Variants in TTLL11 observed in about 807,000 individuals in gnomAD.
TTLL11 encodes the protein tubulin tyrosine ligase like 11.
TTLL11 carries 42 observed loss-of-function variants against 51.7 expected under a neutral mutation model. That is an observed-to-expected ratio of 0.81 (90% CI 0.64 to 1.05). TTLL11 has a LOEUF of 1.05. Ranked by LOEUF, TTLL11 falls within the 50% of genes least tolerant of loss-of-function variation. The probability of loss-of-function intolerance (pLI) is 0.00; values close to 1 mark genes in which losing one functional copy is unlikely to be tolerated. For missense variants in TTLL11, 799 were observed against 940.4 expected, an observed-to-expected ratio of 0.85 and a Z score of 1.97; for synonymous variants, 381 against 383.5, an observed-to-expected ratio of 0.99 and a Z score of 0.08.
At chr9:121,891,641 GTATC>G (rs1476109492) in intron 6 of TTLL11, among the ~76,000 whole-genome samples, 2 of 152,154 alleles carry the variant, frequency 1.3e-5, no homozygotes, top group African/African-American at 4.8e-5. Flanking sequence ...AGAACTGACT[GTATC>G]TATAATCATC....
At chr9:122,084,537 G>A (rs1030082571) in intron 1 of TTLL11, among the ~76,000 whole-genome samples, 1 of 152,182 alleles carries the variant, frequency 6.6e-6, no homozygotes, top group South Asian at 2.1e-4. Context: ...CTCGGCTTCA[G>A]AGGAACAACC....
intron 8 of TTLL11, among the ~76,000 whole-genome samples, chr9:121,841,117 G>A (rs1837332465): frequency 6.6e-6 from 1 of 152,164 alleles, no homozygotes; most frequent in Admixed American, 6.5e-5. Context: ...GCCTTGTGCA[G>A]GCAATCAAGG....
intron 8 of TTLL11, among the ~76,000 whole-genome samples, chr9:121,859,735 A>G (rs1837945722): frequency 6.6e-6 from 1 of 152,090 alleles, no homozygotes; most frequent in African/African-American, 2.4e-5. Context: ...GCTACTTGGT[A>G]TGGTCTAAGC....
At chr9:121,928,592 G>A (rs568000141) in intron 6 of TTLL11, among the ~76,000 whole-genome samples, 2 of 151,690 alleles carry the variant, frequency 1.3e-5, no homozygotes, top group Admixed American at 6.6e-5. Context: ...AGGTGCGCAC[G>A]ACCACACCCA....
chr9:121,957,237 G>A lies in TTLL11; in HGVS notation c.1481+16772C>T, dbSNP rs535474779. On this transcript the variant is annotated intron_variant, in intron 6 of 8. Transcript: ENST00000321582. ...AGGGGGCGCCTTCTACCACTGCCCA[G>A]GGACTCTTCCAGAAACAGCCTGCCC... 1.9e-3 allele frequency among the ~76,000 whole-genome samples: 285 copies of A among 152,264 alleles called. 2 individuals carry two copies. The highest frequency in any genetic ancestry group is 6.7e-3 in the African/African-American group (277 of 41,558).
intron 8 of TTLL11, among the ~76,000 whole-genome samples, chr9:121,849,024 C>T (rs544665181): frequency 6.6e-6 from 1 of 152,314 alleles, no homozygotes; most frequent in East Asian, 1.9e-4. Context: ...GTAATCAAAA[C>T]AGTATGGTAT....
At chr9:122,052,481 A>G (rs1233697963) in intron 1 of TTLL11, among the ~76,000 whole-genome samples, 1 of 152,212 alleles carries the variant, frequency 6.6e-6, no homozygotes, top group Non-Finnish European at 1.5e-5. Flanking sequence ...ACAAGGATTA[A>G]TAGTATGTTT....
rs1324997625 is a variant in TTLL11, at chr9:121,892,567, G to A, written c.1482-21819C>T. On this transcript the variant is annotated intron_variant, in intron 6 of 8. Transcript: ENST00000321582. The stretch of plus-strand genomic sequence containing the variant: ...TCCCACCGGGTCTCTCCCACAACAC[G>A]TGGGAATTATGGGAGCTACAATTCA... 3.3e-5 allele frequency among the ~76,000 whole-genome samples: 5 copies of A among 152,094 alleles called. No homozygotes were observed. In the East Asian group the frequency reaches 5.8e-4, roughly 18 times the overall value.
At chr9:122,087,849 T>C (rs975689927) in intron 1 of TTLL11, among the ~76,000 whole-genome samples, 2 of 152,200 alleles carry the variant, frequency 1.3e-5, no homozygotes, top group African/African-American at 4.8e-5. Context: ...ATGCCTTTCT[T>C]TCATGTTGCA....
At chr9:122,043,183 TGGGG>T (rs1394400216) in intron 1 of TTLL11, among the ~76,000 whole-genome samples, 1 of 151,962 alleles carries the variant, frequency 6.6e-6, no homozygotes, top group Non-Finnish European at 1.5e-5. Context: ...TCAATGCAGG[TGGGG>T]GAAAATCTCT....
chr9:122,032,357 C>T (rs75581384), intron 2 of TTLL11, among the ~76,000 whole-genome samples: 1,643 of 152,176 alleles, frequency 0.011, 36 homozygotes, highest in African/African-American at 0.038. Flanking sequence ...AATAGGAAAA[C>T]ACACATCTTT....
intron 6 of TTLL11, among the ~76,000 whole-genome samples, chr9:121,950,960 G>C (rs972737803): frequency 1.3e-5 from 2 of 152,170 alleles, no homozygotes; most frequent in Non-Finnish European, 2.9e-5. Flanking sequence ...TGATGATGAT[G>C]ACGAGGGGAC....
chr9:121,989,402 G>T lies in TTLL11; in HGVS notation c.1062C>A (p.Phe354Leu), dbSNP rs149219458. ...NYSLNIHSGN[F>L]IHSDSASTGS... is the part of the protein sequence containing the mutation. ...CAGTGCTAGCACTGTCCGAGTGGAT[G>T]AAGTTGCCGCTGTGGATGTTCAGTG... Residue 354 changes from phenylalanine to leucine, a missense_variant, in exon 4 of 9, where the codon TTC becomes TTA. Physicochemically the swap from Phe to Leu is conservative, Grantham distance 22 (BLOSUM62 0). Around this residue, in one of 3 missense-constraint regions of TTLL11, gnomAD observed 468 missense variants for 612.8 expected, o/e 0.76. Transcript: ENST00000321582. This position sits in a 1 kb window ranked among gnomAD's most constrained non-coding sequence, Gnocchi z 4.2. 1.2e-6 allele frequency: 2 copies of T among 1,614,218 alleles called. No individual in the cohort carries two copies. Among genetic ancestry groups the T allele is most frequent in the Non-Finnish European group, 1.7e-6 (2 of 1,180,050 alleles).
At position 121,852,880 on chromosome 9, in the gene TTLL11, G is replaced by A. The variant is rs146711594; in HGVS notation, c.1840+7457C>T. On this transcript the variant is annotated intron_variant, in intron 8 of 8. Coordinates refer to ENST00000321582, the MANE Select transcript of TTLL11 (RefSeq NM_001139442.2). The stretch of plus-strand genomic sequence containing the variant: ...GATAATTTCAAGGCTGAAGAACATC[G>A]TTCGTGCCAGACACCTCGCACGAGG... 2.7e-3 allele frequency among the ~76,000 whole-genome samples: 416 copies of A among 152,328 alleles called. 4 individuals are homozygous for A. Among genetic ancestry groups the A allele is most frequent in the African/African-American group, 9.3e-3 (387 of 41,564 alleles).
chr9:122,003,997 C>T (rs1431313551), intron 3 of TTLL11, among the ~76,000 whole-genome samples: 2 of 151,478 alleles, frequency 1.3e-5, no homozygotes, highest in African/African-American at 2.4e-5. Flanking sequence ...TGGCACGCAC[C>T]TGTAGTCCCA....
intron 3 of TTLL11, among the ~76,000 whole-genome samples, chr9:121,991,366 G>A (rs959620170): frequency 1.3e-5 from 2 of 152,304 alleles, no homozygotes; most frequent in Non-Finnish European, 2.9e-5. Context: ...AGCAGGATCC[G>A]AGAATGGAAC....
At chr9:121,926,677 G>A (rs1326660100) in intron 6 of TTLL11, among the ~76,000 whole-genome samples, 1 of 152,174 alleles carries the variant, frequency 6.6e-6, no homozygotes, top group African/African-American at 2.4e-5. Context: ...CCTCTCTCCC[G>A]TGTCACTTTG....
At chr9:121,994,187 G>C (rs1843189325) in intron 3 of TTLL11, among the ~76,000 whole-genome samples, 1 of 151,980 alleles carries the variant, frequency 6.6e-6, no homozygotes, top group Admixed American at 6.5e-5. Context: ...CAGAGCAGTG[G>C]GGCAGAAAGG....
At chr9:122,006,646 G>A (rs1183856174) in intron 3 of TTLL11, among the ~76,000 whole-genome samples, 1 of 151,856 alleles carries the variant, frequency 6.6e-6, no homozygotes, top group African/African-American at 2.4e-5. Flanking sequence ...AGAGTATAAC[G>A]GTGCCAAAGC....
Sources: gnomAD v4.1 joint callset for allele counts (sites outside exome capture counted in the v4.1 genomes callset) on GRCh38, gnomAD v4.1.1 for gene constraint, gnomAD v4.1.1 regional missense constraint, Gnocchi (gnomAD v3.1) non-coding constraint, MANE v1.5 for transcripts, NCBI Gene and HGNC (gene_info 2026-07-23, HGNC 2026-07-21) for gene names.